The following ZNF324 variants were observed in gnomAD, a reference collection of about 807,000 sequenced individuals.
ZNF324 encodes zinc finger protein 324, also known as zinc finger protein 324A.
A neutral mutation model predicts 10.3 loss-of-function variants in ZNF324; 3 were observed. The observed-to-expected ratio is 0.29, with a 90% confidence interval of 0.13 to 0.75. The LOEUF (loss-of-function observed/expected upper bound fraction) is 0.75. Among genes scored for constraint, ZNF324 ranks in the 30% least tolerant of loss-of-function variants. The pLI, the probability that ZNF324 is intolerant of heterozygous loss-of-function variation, is 0.69. For missense variants in ZNF324, 763 were observed against 784.4 expected, an observed-to-expected ratio of 0.97 and a Z score of 0.33; for synonymous variants, 430 against 339.5, an observed-to-expected ratio of 1.27 and a Z score of -2.93.
Position 58,473,167 on chromosome 19 carries a change from A to C in ZNF324, c.*1013A>C, listed in dbSNP as rs1164150526. 4 of 152,596 alleles carry C rather than the reference A, an allele frequency of 2.6e-5. No individual in the cohort carries two copies. The highest frequency in any genetic ancestry group is 7.3e-5 in the African/African-American group (3 of 41,362). 9.5% of individuals were successfully genotyped at this position (152,596 alleles called of 1,614,324 possible). A position where few individuals can be genotyped will look rare whatever the true frequency, so the allele number is the denominator to read the frequency against. On this transcript the variant is annotated 3_prime_UTR_variant, in exon 4 of 4. Transcript: ENST00000196482. The stretch of plus-strand genomic sequence containing the variant: ...CGGGTTTGGTGGCCACTTCACCCCC[A>C]ACCCTGTCTCACCCCCATTATCCCT...
Position 58,472,435 on chromosome 19 carries a change from G to T in ZNF324, c.*281G>T, listed in dbSNP as rs1010477743. 29 of 483,948 alleles carry T rather than the reference G, an allele frequency of 6.0e-5. No individual in the cohort carries two copies. The Middle Eastern group carries it at 1.6e-3, about 26-fold the overall frequency. The allele number at this position is 483,948 out of a possible 1,614,324, so 30.0% of individuals were successfully genotyped here. On this transcript the variant is annotated 3_prime_UTR_variant, in exon 4 of 4. Coordinates refer to ENST00000196482, the MANE Select transcript of ZNF324 (RefSeq NM_014347.3). ...GACTATTCAGAGCCAGTAGGAGGCC[G>T]ACAGTCACAGCACTGCACTGTGGTG...
At position 58,475,001 on chromosome 19, in the gene ZNF324, C is replaced by T. The variant is rs915510526; in HGVS notation, c.*2847C>T. The T allele has an allele frequency of 1.3e-5, 2 of 152,180 alleles. No homozygotes were observed. The highest frequency in any genetic ancestry group is 2.9e-5 in the Non-Finnish European group (2 of 68,046). 9.4% of individuals were successfully genotyped at this position (152,180 alleles called of 1,614,324 possible). ...CCTGGGGAACAACTACTGAAGAAGC[C>T]CTTAACGCCCCAGTGCTCTCCCCAC... On this transcript the variant is annotated 3_prime_UTR_variant, in exon 4 of 4. Coordinates refer to ENST00000196482, the MANE Select transcript of ZNF324 (RefSeq NM_014347.3).
chr19:58,471,210 C>T lies in ZNF324; in HGVS notation c.718C>T (p.Pro240Ser). The change falls in exon 4 of 4, where the codon CCC becomes TCC. Residue 240 changes from proline (P) to serine (S), a missense_variant. Around this residue, in one of 3 missense-constraint regions of ZNF324, gnomAD observed 379 missense variants for 319.4 expected, o/e 1.19. Coordinates refer to ENST00000196482, the MANE Select transcript of ZNF324 (RefSeq NM_014347.3). The stretch of plus-strand genomic sequence containing the variant: ...TCATAGACTCCTCGGTGGCCAGGAG[C>T]CCTCGACCTGGGACGAGCTGGGCGA... The part of the protein sequence containing the change: ...EPHRLLGGQE[P>S]STWDELGEAL... 1 of 1,613,686 alleles carries T rather than the reference C, an allele frequency of 6.2e-7. No individual in the cohort carries two copies. Among genetic ancestry groups the T allele is most frequent in the African/African-American group, 1.3e-5 (1 of 75,032 alleles).
chr19:58,470,383 G>A (rs754936781), intron 3 of ZNF324: 13 of 414,576 alleles, frequency 3.1e-5, no homozygotes, highest in Non-Finnish European at 5.4e-5. Flanking sequence ...CCTGAGAAGG[G>A]GGACAGGGGC....
In ZNF324 at chr19:58,472,030, GGGCC is replaced by G; in HGVS notation, c.1539_1542del (p.Ser515CysfsTer49). The G allele has an allele frequency of 6.2e-7, 1 of 1,606,974 alleles. No individual in the cohort carries two copies. Among genetic ancestry groups the G allele is most frequent in the South Asian group, 1.1e-5 (1 of 91,076 alleles). ...GGCGAGAAGACCGTCCGGCGATCCAGGGCCAGCCTGCACCCCCAGGCCAGGTCTG... is the reference window on the plus strand; with the variant it reads ...GGCGAGAAGACCGTCCGGCGATCCAGAGCCTGCACCCCCAGGCCAGGTCTG... On this transcript the variant is annotated frameshift_variant, in exon 4 of 4. Coordinates refer to ENST00000196482, the MANE Select transcript of ZNF324 (RefSeq NM_014347.3). LOFTEE classifies it low-confidence loss of function (END_TRUNC).
chr19:58,468,646 A>G (rs1180137918), intron 1 of ZNF324, among the ~76,000 whole-genome samples: 1 of 152,154 alleles, frequency 6.6e-6, no homozygotes, highest in East Asian at 1.9e-4. Flanking sequence ...ATGAGTGGTC[A>G]TGCTGAGTCA....
In ZNF324 at chr19:58,472,118, G is replaced by A. The variant is rs747893723; in HGVS notation, c.1626G>A (p.Ser542=). The A allele has an allele frequency of 2.8e-5, 45 of 1,591,300 alleles. No individual in the cohort carries two copies. The South Asian group carries it at 4.0e-4, about 14-fold the overall frequency. ...PAKETEPTPA[S]GPAAVSQPAE... ...AGGAAACCGAGCCCACTCCCGCCTC[G>A]GGCCCAGCCGCCGTCTCGCAGCCAG... The change falls in exon 4 of 4, where the codon TCG becomes TCA. Residue 542 remains serine (S), a synonymous_variant. Coordinates refer to ENST00000196482, the MANE Select transcript of ZNF324 (RefSeq NM_014347.3).
At position 58,469,379 on chromosome 19, in the gene ZNF324, C is replaced by G. The variant is rs2053008135; in HGVS notation, c.121+73C>G. The G allele has an allele frequency of 3.2e-6, 5 of 1,572,598 alleles. No homozygotes were observed. The South Asian group carries it at 5.9e-5, about 18-fold the overall frequency. On this transcript the variant is annotated intron_variant, in intron 2 of 3. Coordinates refer to ENST00000196482, the MANE Select transcript of ZNF324 (RefSeq NM_014347.3). ...CTGGCCAGGGCTGCCCCCTCACCTC[C>G]CTGGTGGCTGACGAGCAGGCCTATA... is the stretch of plus-strand genomic sequence containing the variant.
chr19:58,469,136 C>G (rs997027453), intron 1 of ZNF324, 44 bp from the exon 2 acceptor site: 2 of 1,613,264 alleles, frequency 1.2e-6, no homozygotes, highest in Non-Finnish European at 1.7e-6. Context: ...GATTGGATAA[C>G]CCAGCCTTAG....
chr19:58,467,525 G>A (rs903794914), intron 1 of ZNF324: 1 of 152,408 alleles, frequency 6.6e-6, no homozygotes, highest in Non-Finnish European at 1.5e-5. Flanking sequence ...GGGGAAGCAG[G>A]GGAGTCCCTG....
At chr19:58,468,719 G>A (rs1301567701) in intron 1 of ZNF324, among the ~76,000 whole-genome samples, 1 of 152,178 alleles carries the variant, frequency 6.6e-6, no homozygotes, top group Non-Finnish European at 1.5e-5. Flanking sequence ...ACTTGTTCTA[G>A]CTTGCTTGTG....
At chr19:58,468,625 T>TG (rs1368285256) in intron 1 of ZNF324, among the ~76,000 whole-genome samples, 2 of 152,104 alleles carry the variant, frequency 1.3e-5, no homozygotes, top group East Asian at 3.9e-4. Flanking sequence ...AGGGTGCATC[T>TG]GGGGAGGGTC....
intron 1 of ZNF324, chr19:58,468,258 G>A (rs2052998980): frequency 3.0e-6 from 3 of 985,274 alleles, no homozygotes; most frequent in Non-Finnish European, 2.4e-6. Flanking sequence ...ATTGGACTGA[G>A]GAATGGGCAG....
chr19:58,471,752 A>G lies in ZNF324; in HGVS notation c.1260A>G (p.Thr420=). Residue 420 remains threonine, a synonymous_variant, in exon 4 of 4, where the codon ACA becomes ACG. Coordinates refer to ENST00000196482, the MANE Select transcript of ZNF324 (RefSeq NM_014347.3). The stretch of plus-strand genomic sequence containing the variant: ...TCTTTAAGCACCAGCGCGTGCACAC[A>G]GGCGAGAAGCCCTTCGCCTGCCCAC... ...SSLFKHQRVH[T]GEKPFACPQC... 6.2e-7 allele frequency: 1 copy of G among 1,612,096 alleles called. No individual in the cohort carries two copies. Among genetic ancestry groups the G allele is most frequent in the Non-Finnish European group, 8.5e-7 (1 of 1,179,426 alleles).
rs2053007500 is a variant in ZNF324, at chr19:58,469,298, C to T, written c.113C>T (p.Ala38Val). ...RVMLDNFALVASLGLSTSRPR... is the reference protein window; with the variant it reads ...RVMLDNFALVVSLGLSTSRPR... ...ATGCTAGACAACTTCGCACTTGTGGCCTCGCTGGGTAAGGTCCTAGATACT... is the reference window on the plus strand; with the variant it reads ...ATGCTAGACAACTTCGCACTTGTGGTCTCGCTGGGTAAGGTCCTAGATACT... Residue 38 changes from alanine (A) to valine (V), a missense_variant, in exon 2 of 4, where the codon GCC becomes GTC. By Grantham distance (64) the Ala-to-Val change is moderately conservative. Transcript: ENST00000196482. The T allele has an allele frequency of 6.2e-7, 1 of 1,613,946 alleles. No individual in the cohort carries two copies. The highest frequency in any genetic ancestry group is 1.7e-5 in the Admixed American group (1 of 59,976).
Position 58,471,583 on chromosome 19 carries a change from C to G in ZNF324, c.1091C>G (p.Ala364Gly). Residue 364 changes from alanine to glycine, a missense_variant, in exon 4 of 4, where the codon GCG becomes GGG. Physicochemically the swap from Ala to Gly is moderately conservative, Grantham distance 60. Around this residue, in one of 3 missense-constraint regions of ZNF324, gnomAD observed 153 missense variants for 269.0 expected, o/e 0.57. Coordinates refer to ENST00000196482, the MANE Select transcript of ZNF324 (RefSeq NM_014347.3). Reference protein sequence around the residue: ...SNLSQHRKIHAGGRPYACAQC... With the variant: ...SNLSQHRKIHGGGRPYACAQC... ...CTCAGCCAGCACCGCAAGATCCACG[C>G]GGGTGGGCGTCCTTATGCTTGCGCA... 4.4e-6 allele frequency: 7 copies of G among 1,594,374 alleles called. No individual in the cohort carries two copies. Among genetic ancestry groups the G allele is most frequent in the Non-Finnish European group, 6.0e-6 (7 of 1,169,902 alleles).
At chr19:58,469,428 A>T in intron 2 of ZNF324, 122 bp downstream of exon 2, 1 of 1,343,600 alleles carries the variant, frequency 7.4e-7, no homozygotes, top group East Asian at 2.4e-5. Context: ...AGCCATGTGG[A>T]ATAGGGGTCT....
rs80083278 is a variant in ZNF324, at chr19:58,474,678, G to C, written c.*2524G>C. The C allele has an allele frequency of 0.018, 2,710 of 152,136 alleles. 74 individuals carry two copies. The highest frequency in any genetic ancestry group is 0.061 in the African/African-American group (2,546 of 41,470). 9.4% of individuals were successfully genotyped at this position (152,136 alleles called of 1,614,324 possible). A position where few individuals can be genotyped will look rare whatever the true frequency, so the allele number is the denominator to read the frequency against. On this transcript the variant is annotated 3_prime_UTR_variant, in exon 4 of 4. Transcript: ENST00000196482. The stretch of plus-strand genomic sequence containing the variant: ...GGTAGTGACTGTAAAAGTATCCCTG[G>C]GCTTCTATGTCAAAAGGTCAGACTG...
chr19:58,470,796 C>G lies in ZNF324; in HGVS notation c.304C>G (p.Pro102Ala). Residue 102 changes from proline (P) to alanine (A), a missense_variant, in exon 4 of 4, where the codon CCA becomes GCA. Physicochemically the swap from Pro to Ala is conservative, Grantham distance 27. Transcript: ENST00000196482. Reference protein sequence around the residue: ...GEWPRAFPDTPPGMTTSVFPV... With the variant: ...GEWPRAFPDTAPGMTTSVFPV... Reference sequence around the variant, plus strand: ...ATGGCCACGAGCTTTCCCAGATACCCCACCTGGGATGACTACTAGCGTCTT... The same window carrying G: ...ATGGCCACGAGCTTTCCCAGATACCGCACCTGGGATGACTACTAGCGTCTT... 5 of 1,614,202 alleles carry G rather than the reference C, an allele frequency of 3.1e-6. No homozygotes were observed. Among genetic ancestry groups the G allele is most frequent in the Middle Eastern group, 1.7e-4 (1 of 6,060 alleles).
Sources: gnomAD v4.1 joint callset for allele counts (sites outside exome capture counted in the v4.1 genomes callset) on GRCh38, gnomAD v4.1.1 for gene constraint, gnomAD v4.1.1 regional missense constraint, MANE v1.5 for transcripts, NCBI Gene and HGNC (gene_info 2026-07-23, HGNC 2026-07-21) for gene names.